STARD13: variants seen among roughly 807,000 people sequenced by gnomAD.
STARD13 encodes the protein stAR-related lipid transfer protein 13.
A neutral mutation model predicts 106.4 loss-of-function variants in STARD13; 62 were observed. That is an observed-to-expected ratio of 0.58 (90% CI 0.48 to 0.72). The LOEUF (loss-of-function observed/expected upper bound fraction) is 0.72, where lower values mean the gene tolerates loss of function less well. Among genes scored for constraint, STARD13 ranks in the 30% least tolerant of loss-of-function variants. STARD13 has a pLI of 0.00. For missense variants in STARD13, 1,387 were observed against 1,424.0 expected (o/e 0.97, Z 0.42); for synonymous variants, 565 against 553.0 (o/e 1.02, Z -0.31).
the STARD13 span, among the ~76,000 whole-genome samples, chr13:33,458,759 A>C: frequency 6.7e-6 from 1 of 148,824 alleles, no homozygotes. Flanking sequence ...CGGATTTCAG[A>C]CCCCATTCTT....
At chr13:33,370,910 C>T in the STARD13 span, among the ~76,000 whole-genome samples, 35 of 152,024 alleles carry the variant, frequency 2.3e-4, 1 homozygote, top group East Asian at 6.0e-3. Flanking sequence ...TGTGAGCAAC[C>T]GCTCCCAGCC....
intron 4 of STARD13, among the ~76,000 whole-genome samples, chr13:33,135,511 C>T (rs2138199124): frequency 6.6e-6 from 1 of 152,238 alleles, no homozygotes; most frequent in South Asian, 2.1e-4. Context: ...TGTACAGAAT[C>T]CACTGTTTCA....
At chr13:33,575,036 C>A in the STARD13 span, among the ~76,000 whole-genome samples, 1,192 of 151,430 alleles carry the variant, frequency 7.9e-3, 15 homozygotes, top group African/African-American at 0.027. Context: ...CCTGCCCCAG[C>A]CTCCTGAGGA....
At chr13:33,602,074 G>A in the STARD13 span, among the ~76,000 whole-genome samples, 1 of 151,534 alleles carries the variant, frequency 6.6e-6, no homozygotes, top group African/African-American at 2.4e-5. Flanking sequence ...CACCTCCTGT[G>A]ACGAACATCT....
the STARD13 span, among the ~76,000 whole-genome samples, chr13:33,670,680 G>A: frequency 6.6e-6 from 1 of 152,170 alleles, no homozygotes; most frequent in African/African-American, 2.4e-5. Flanking sequence ...CCAAGACACT[G>A]ATAGAAATGC....
intron 1 of STARD13, among the ~76,000 whole-genome samples, chr13:33,202,689 C>T (rs797190): frequency 0.33 from 50,673 of 152,094 alleles, 8,503 homozygotes; most frequent in Middle Eastern, 0.43. Context: ...GCAAGTGATG[C>T]TTAAGGTAGC....
At chr13:33,163,498 G>C (rs7326608) in intron 3 of STARD13, among the ~76,000 whole-genome samples, 1 of 149,482 alleles carries the variant, frequency 6.7e-6, no homozygotes, top group Non-Finnish European at 1.5e-5. Flanking sequence ...GCTGTGGCAG[G>C]AGAATCATTT....
chr13:33,420,590 T>C, the STARD13 span, among the ~76,000 whole-genome samples: 2 of 152,214 alleles, frequency 1.3e-5, no homozygotes, highest in Non-Finnish European at 2.9e-5. Context: ...AACACAGCTC[T>C]GCACCAAATG....
the STARD13 span, among the ~76,000 whole-genome samples, chr13:33,638,151 A>T: frequency 2.0e-5 from 3 of 152,226 alleles, no homozygotes; most frequent in East Asian, 5.8e-4. Context: ...TCTCCTAGAA[A>T]GGAGAGAATT....
At chr13:33,429,927 T>TTGG in the STARD13 span, among the ~76,000 whole-genome samples, 1 of 137,724 alleles carries the variant, frequency 7.3e-6, no homozygotes, top group African/African-American at 3.0e-5. Context: ...ACTTTTTTTT[T>TTGG]GGGGGGGGGG....
At chr13:33,169,856 C>CA (rs927592610) in intron 1 of STARD13, among the ~76,000 whole-genome samples, 30 of 152,278 alleles carry the variant, frequency 2.0e-4, no homozygotes, top group Middle Eastern at 3.4e-3. Context: ...AAAAGGATAA[C>CA]ATGGTGGAGA....
At chr13:33,639,524 A>G in the STARD13 span, among the ~76,000 whole-genome samples, 1 of 152,220 alleles carries the variant, frequency 6.6e-6, no homozygotes, top group Non-Finnish European at 1.5e-5. Flanking sequence ...GTAGGTACCA[A>G]CATGAAAGCA....
chr13:33,234,240 C>T lies in STARD13; in HGVS notation c.169+51230G>A, dbSNP rs76649113. On this transcript the variant is annotated intron_variant, in intron 1 of 13. Transcript: ENST00000336934. ...AGATGGAGAACTACTGACTGGTACCCGCTTTTCTGGTCATAAGCTGAGTTT... is the reference window on the plus strand; with the variant it reads ...AGATGGAGAACTACTGACTGGTACCTGCTTTTCTGGTCATAAGCTGAGTTT... 3.8e-3 allele frequency among the ~76,000 whole-genome samples: 572 copies of T among 152,284 alleles called. 4 individuals carry two copies. The highest frequency in any genetic ancestry group is 0.013 in the African/African-American group (541 of 41,550).
chr13:33,428,206 C>T, the STARD13 span, among the ~76,000 whole-genome samples: 1 of 152,050 alleles, frequency 6.6e-6, no homozygotes, highest in Non-Finnish European at 1.5e-5. Context: ...AAATGTAAGA[C>T]CCAAAACAAC....
chr13:33,211,116 T>G (rs1163793688), intron 1 of STARD13, among the ~76,000 whole-genome samples: 1 of 151,920 alleles, frequency 6.6e-6, no homozygotes. Flanking sequence ...ATTTTTATCT[T>G]CACAAAGTGA....
chr13:33,626,375 A>T, the STARD13 span, among the ~76,000 whole-genome samples: 1 of 152,200 alleles, frequency 6.6e-6, no homozygotes, highest in African/African-American at 2.4e-5. Context: ...GCTATACATG[A>T]ATCTAATTAT....
intron 1 of STARD13, among the ~76,000 whole-genome samples, chr13:33,328,863 G>C (rs1263610101): frequency 2.0e-5 from 3 of 152,174 alleles, no homozygotes; most frequent in Admixed American, 2.0e-4. Context: ...TTAATTCAAT[G>C]GTTTTCATAA....
intron 4 of STARD13, among the ~76,000 whole-genome samples, chr13:33,137,639 G>A (rs1427357428): frequency 6.6e-6 from 1 of 152,210 alleles, no homozygotes; most frequent in Non-Finnish European, 1.5e-5. Context: ...GTCATGTTGA[G>A]AAGCTTATAA....
intron 1 of STARD13, among the ~76,000 whole-genome samples, chr13:33,350,100 G>A (rs1594294883): frequency 6.6e-6 from 1 of 152,114 alleles, no homozygotes; most frequent in South Asian, 2.1e-4. Context: ...CACACCCACC[G>A]GGAGGCGCGG....
Sources: allele counts gnomAD v4.1 joint callset (sites outside exome capture counted in the v4.1 genomes callset), GRCh38; gene constraint gnomAD v4.1.1; transcripts MANE v1.5; gene names NCBI Gene and HGNC (gene_info 2026-07-23, HGNC 2026-07-21).